The following CLSTN2 variants were observed in gnomAD, a reference collection of about 807,000 sequenced individuals.
CLSTN2 encodes calsyntenin-2.
In CLSTN2, 48 loss-of-function variants were observed where a neutral mutation model predicts 101.2. That is an observed-to-expected ratio of 0.47 (90% CI 0.38 to 0.60). The LOEUF (loss-of-function observed/expected upper bound fraction) is 0.60. Ranked by LOEUF, CLSTN2 falls within the 20% of genes least tolerant of loss-of-function variation. The pLI is 0.00. For synonymous variants in CLSTN2, 481 were observed against 463.6 expected (o/e 1.04, Z -0.48); for missense variants, 1,160 against 1,238.2 (o/e 0.94, Z 0.95).
chr3:140,422,194 TC>T (rs1553742347), intron 5 of CLSTN2, among the ~76,000 whole-genome samples: 2 of 29,750 alleles, frequency 6.7e-5, no homozygotes, highest in Non-Finnish European at 1.1e-4. Context: ...TTTCTTTCTC[TC>T]TCTCTCTCTC....
intron 10 of CLSTN2, among the ~76,000 whole-genome samples, chr3:140,556,221 G>A (rs1935787197): frequency 6.6e-6 from 1 of 152,188 alleles, no homozygotes; most frequent in Non-Finnish European, 1.5e-5. Context: ...GGGCTGGGCT[G>A]TGAGAGCACC....
chr3:140,481,102 C>G (rs1188750248), intron 8 of CLSTN2, among the ~76,000 whole-genome samples: 2 of 152,162 alleles, frequency 1.3e-5, no homozygotes, highest in Non-Finnish European at 2.9e-5. Flanking sequence ...AGTCTTCAAT[C>G]CATCTTGAAT....
intron 2 of CLSTN2, among the ~76,000 whole-genome samples, chr3:140,200,234 G>A (rs1574531): frequency 1.2e-3 from 180 of 152,262 alleles, no homozygotes; most frequent in Non-Finnish European, 2.2e-3. Context: ...ATGGTATGAT[G>A]CAGTGGTTTG....
At chr3:140,305,861 C>T (rs986482313) in intron 2 of CLSTN2, among the ~76,000 whole-genome samples, 7 of 151,912 alleles carry the variant, frequency 4.6e-5, no homozygotes, top group Non-Finnish European at 8.8e-5. Context: ...GCAGGACTGA[C>T]ACTAAAAACT....
At chr3:140,075,328 C>G (rs1418361037) in intron 1 of CLSTN2, among the ~76,000 whole-genome samples, 1 of 152,166 alleles carries the variant, frequency 6.6e-6, no homozygotes, top group Non-Finnish European at 1.5e-5. Flanking sequence ...TCCTCCACTG[C>G]TTCAGCCAAA....
chr3:140,216,278 C>T (rs79589430), intron 2 of CLSTN2, among the ~76,000 whole-genome samples: 3,673 of 151,972 alleles, frequency 0.024, 140 homozygotes, highest in African/African-American at 0.082. Context: ...AAAACATTGG[C>T]GACCACGAAT....
At position 139,936,201 on chromosome 3, in the gene CLSTN2, C is replaced by A. The variant is rs577291161; in HGVS notation, c.109+718C>A. On this transcript the variant is annotated intron_variant, in intron 1 of 16. Transcript: ENST00000458420. ...CGCCCGGAAGGAAGCTAGATCCAAGCGAACGCCTGGCTCTGTCAGGCGAGC... is the reference window on the plus strand; with the variant it reads ...CGCCCGGAAGGAAGCTAGATCCAAGAGAACGCCTGGCTCTGTCAGGCGAGC... Among the ~76,000 whole-genome samples, 86 of 152,302 alleles carry A rather than the reference C, an allele frequency of 5.6e-4. 1 individual carries two copies. Among genetic ancestry groups the A allele is most frequent in the African/African-American group, 1.7e-3 (70 of 41,562 alleles).
chr3:140,332,247 T>C (rs936859439), intron 2 of CLSTN2, among the ~76,000 whole-genome samples: 13 of 152,094 alleles, frequency 8.5e-5, no homozygotes, highest in Non-Finnish European at 7.4e-5. Flanking sequence ...GGTTCAAATA[T>C]ACGAGGACAA....
chr3:140,280,787 G>T lies in CLSTN2; in HGVS notation c.232+104714G>T, dbSNP rs1161517886. Among the ~76,000 whole-genome samples, 3 of 152,146 alleles carry T rather than the reference G, an allele frequency of 2.0e-5. No homozygotes were observed. In the East Asian group the frequency reaches 5.8e-4, roughly 29 times the overall value. On this transcript the variant is annotated intron_variant, in intron 2 of 16. Coordinates refer to ENST00000458420, the MANE Select transcript of CLSTN2 (RefSeq NM_022131.3). ...GGTGCACAGGGCACTGGGGAAGGTG[G>T]GAGAGAGAGGGCTGCTTTGGAGGAA...
chr3:140,345,253 C>CT lies in CLSTN2; in HGVS notation c.233-58364dup, dbSNP rs771722704. ...CATTGAGTGGATATAGCCTTTTTTT[C>CT]TTTTTTTTTTTTGAGACAGAGTTTC... On this transcript the variant is annotated intron_variant, in intron 2 of 16. Coordinates refer to ENST00000458420, the MANE Select transcript of CLSTN2 (RefSeq NM_022131.3). 1.7e-3 allele frequency among the ~76,000 whole-genome samples: 242 copies of CT among 142,832 alleles called. 4 individuals are homozygous for CT. The highest frequency in any genetic ancestry group is 0.015 in the East Asian group (76 of 4,944). The allele number at this position is 142,832 out of a possible 152,430, so 93.7% of individuals were successfully genotyped here. A position where few individuals can be genotyped will look rare whatever the true frequency, so the allele number is the denominator to read the frequency against.
chr3:140,300,868 T>G (rs1454204779), intron 2 of CLSTN2, among the ~76,000 whole-genome samples: 7 of 152,058 alleles, frequency 4.6e-5, no homozygotes, highest in Non-Finnish European at 1.5e-5. Context: ...TTATGGAGGC[T>G]GAGAAGTCCC....
At chr3:140,469,448 G>C (rs1442021158) in intron 8 of CLSTN2, among the ~76,000 whole-genome samples, 1 of 152,168 alleles carries the variant, frequency 6.6e-6, no homozygotes, top group Non-Finnish European at 1.5e-5. Context: ...AGCTCCCTGT[G>C]TAGACAGAAC....
chr3:140,495,354 G>C lies in CLSTN2; in HGVS notation c.1344+28623G>C, dbSNP rs114953197. Among the ~76,000 whole-genome samples, 385 of 152,100 alleles carry C rather than the reference G, an allele frequency of 2.5e-3. 3 individuals carry two copies. Among genetic ancestry groups the C allele is most frequent in the African/African-American group, 8.9e-3 (371 of 41,508 alleles). On this transcript the variant is annotated intron_variant, in intron 8 of 16. Transcript: ENST00000458420. The stretch of plus-strand genomic sequence containing the variant: ...TTTGTTTAAGTTTCTTGTAGGCTCT[G>C]GGTATTAGACCCTTGTCAGATGGAT...
At chr3:140,139,312 T>G (rs939190) in intron 1 of CLSTN2, among the ~76,000 whole-genome samples, 113,669 of 152,078 alleles carry the variant, frequency 0.75, 44,340 homozygotes, top group East Asian at 0.92. Flanking sequence ...CATAATATTT[T>G]CCCTTCCTTT....
intron 1 of CLSTN2, among the ~76,000 whole-genome samples, chr3:139,937,502 C>T (rs1935044406): frequency 6.6e-6 from 1 of 150,712 alleles, no homozygotes; most frequent in South Asian, 2.1e-4. Context: ...TTTGGGAGGC[C>T]GAGGCGGGCG....
At chr3:140,364,171 C>T (rs929288786) in intron 2 of CLSTN2, among the ~76,000 whole-genome samples, 6 of 152,092 alleles carry the variant, frequency 3.9e-5, no homozygotes, top group African/African-American at 1.4e-4. Context: ...GGAGTGGACA[C>T]AGTTATTTTT....
intron 2 of CLSTN2, among the ~76,000 whole-genome samples, chr3:140,321,014 G>C (rs1377184971): frequency 1.3e-5 from 2 of 152,214 alleles, no homozygotes; most frequent in African/African-American, 4.8e-5. Flanking sequence ...CAAAGGATGT[G>C]CTGGGAGTAT....
At chr3:140,172,379 C>T (rs546550946) in intron 1 of CLSTN2, among the ~76,000 whole-genome samples, 15 of 152,106 alleles carry the variant, frequency 9.9e-5, no homozygotes, top group Non-Finnish European at 1.8e-4. Context: ...GAGACCCCTG[C>T]TGCCATCCAG....
intron 1 of CLSTN2, among the ~76,000 whole-genome samples, chr3:140,148,953 G>A (rs1203866858): frequency 1.3e-5 from 2 of 152,160 alleles, no homozygotes; most frequent in Non-Finnish European, 2.9e-5. Flanking sequence ...TACTATGGGG[G>A]AGAGGCCAGA....
Sources: gnomAD v4.1 joint callset for allele counts (sites outside exome capture counted in the v4.1 genomes callset) on GRCh38, gnomAD v4.1.1 for gene constraint, MANE v1.5 for transcripts, NCBI Gene and HGNC (gene_info 2026-07-23, HGNC 2026-07-21) for gene names.